LAT2: variants seen among roughly 807,000 people sequenced by gnomAD.
LAT2 encodes linker for activation of T cells family member 2, also known as linker for activation of T-cells family member 2.
In LAT2, 23 loss-of-function variants were observed where a neutral mutation model predicts 43.4. The observed-to-expected ratio is 0.53, with a 90% confidence interval of 0.38 to 0.75. The LOEUF (loss-of-function observed/expected upper bound fraction) is 0.75. Ranked by LOEUF, LAT2 falls within the 30% of genes least tolerant of loss-of-function variation. LAT2 has a pLI of 0.00. For missense variants in LAT2, 284 were observed against 310.2 expected (o/e 0.92, Z 0.64); for synonymous variants, 128 against 123.2 (o/e 1.04, Z -0.26).
intron 1 of LAT2, among the ~76,000 whole-genome samples, chr7:74,213,640 G>C (rs570358579): frequency 6.6e-6 from 1 of 151,846 alleles, no homozygotes; most frequent in African/African-American, 2.4e-5. Flanking sequence ...GGTCAGGCTA[G>C]TCTCGAACTC....
At chr7:74,223,924 G>C in intron 11 of LAT2, 94 bp from the exon 12 acceptor site, 2 of 1,494,888 alleles carry the variant, frequency 1.3e-6, no homozygotes, top group Non-Finnish European at 1.8e-6. Flanking sequence ...CCTTTCGGTA[G>C]AGCCTTGCCC....
At chr7:74,227,187 G>A (rs965247015) in intron 13 of LAT2, among the ~76,000 whole-genome samples, 26 of 150,150 alleles carry the variant, frequency 1.7e-4, no homozygotes, top group Non-Finnish European at 3.0e-4. Context: ...GATTACAGGT[G>A]TCTGCCACCA....
At chr7:74,221,803 G>A (rs1472918130) in intron 10 of LAT2, 111 bp downstream of exon 10, 4 of 910,306 alleles carry the variant, frequency 4.4e-6, no homozygotes, top group South Asian at 3.2e-5. Flanking sequence ...TAAATCGGCA[G>A]AGCCGGTTGG....
chr7:74,214,712 TATATATAAAA>T (rs1186119341), intron 1 of LAT2, 100 bp from the exon 2 acceptor site: 1 of 97,046 alleles, frequency 1.0e-5, no homozygotes, highest in Non-Finnish European at 1.8e-5. Context: ...TATATATAAA[TATATATAAAA>T]ATATAAATAT....
chr7:74,216,974 C>A, intron 4 of LAT2, 110 bp downstream of exon 4: 1 of 921,080 alleles, frequency 1.1e-6, no homozygotes, highest in South Asian at 1.4e-5. Flanking sequence ...ACACCTCCTC[C>A]GTGCCAAGTT....
chr7:74,213,613 TG>T (rs1801814380), intron 1 of LAT2, among the ~76,000 whole-genome samples: 1 of 151,448 alleles, frequency 6.6e-6, no homozygotes, highest in Admixed American at 6.6e-5. Flanking sequence ...TTAGTAGAGA[TG>T]GGGTTTCACC....
chr7:74,224,325 C>A (rs1310147341), intron 12 of LAT2, 128 bp downstream of exon 12: 2 of 1,036,500 alleles, frequency 1.9e-6, no homozygotes, highest in Admixed American at 3.9e-5. Flanking sequence ...TGCCTGGGTG[C>A]AGGAGCAGCT....
At chr7:74,222,230 CAAAAAAA>C (rs113312443) in intron 10 of LAT2, among the ~76,000 whole-genome samples, 40 of 65,608 alleles carry the variant, frequency 6.1e-4, no homozygotes, top group South Asian at 1.5e-3. Flanking sequence ...TACAAAAATA[CAAAAAAA>C]AAAAAAAAAA....
At chr7:74,214,377 A>C (rs191921906) in intron 1 of LAT2, among the ~76,000 whole-genome samples, 1,632 of 43,304 alleles carry the variant, frequency 0.038, 96 homozygotes, top group African/African-American at 0.04. Context: ...TATATATGAA[A>C]ATATATATAT....
intron 12 of LAT2, among the ~76,000 whole-genome samples, 161 bp from the exon 13 acceptor site, chr7:74,224,478 G>A (rs1488295642): frequency 4.6e-5 from 7 of 152,178 alleles, no homozygotes; most frequent in South Asian, 2.1e-4. Flanking sequence ...GACGATCTCC[G>A]GCAAATCCCA....
chr7:74,224,784 C>T lies in LAT2; in HGVS notation c.*18+24C>T, dbSNP rs782586075. The T allele has an allele frequency of 7.5e-6, 11 of 1,475,324 alleles. No homozygotes were observed. The South Asian group carries it at 1.3e-4, about 18-fold the overall frequency. The allele number at this position is 1,475,324 out of a possible 1,614,324, so 91.4% of individuals were successfully genotyped here. A position where few individuals can be genotyped will look rare whatever the true frequency, so the allele number is the denominator to read the frequency against. ...AGGTACAGCCCCTGCTCTCCAGCTG[C>T]CGTGGGCCAAGGATTGGAGGTCTTG... On this transcript the variant is annotated intron_variant, in intron 13 of 13. Coordinates refer to ENST00000460943, the MANE Select transcript of LAT2 (RefSeq NM_032464.3).
Position 74,220,669 on chromosome 7 carries a change from A to G in LAT2, c.302-35A>G. 1 of 1,613,646 alleles carries G rather than the reference A, an allele frequency of 6.2e-7. No homozygotes were observed. The highest frequency in any genetic ancestry group is 8.5e-7 in the Non-Finnish European group (1 of 1,179,720). On this transcript the variant is annotated intron_variant, in intron 8 of 13. Coordinates refer to ENST00000460943, the MANE Select transcript of LAT2 (RefSeq NM_032464.3). The surrounding 1 kb of genome is among the most constrained non-coding windows in gnomAD (Gnocchi z 4.5). ...GGAGGCCATGGTGGGGGCCACACCC[A>G]GGGGCTCAGGCCCAATTCTCGCCTC...
chr7:74,225,240 A>G (rs1554715940), intron 13 of LAT2: 1 of 155,084 alleles, frequency 6.4e-6, no homozygotes. Context: ...TAAAAACACA[A>G]AAAATTAGCC....
At position 74,222,661 on chromosome 7, in the gene LAT2, C is replaced by CAGTGA. The variant is rs1802332722; in HGVS notation, c.388+969_388+970insAGTGA. Among the ~76,000 whole-genome samples, 6 of 152,062 alleles carry CAGTGA rather than the reference C, an allele frequency of 3.9e-5. No homozygotes were observed. The South Asian group carries it at 1.2e-3, about 32-fold the overall frequency. ...CGATCTTGGTTCACTGCAACCTCCG[C>CAGTGA]CTCCCGGGTTCAAGCGATTTTCCTG... On this transcript the variant is annotated intron_variant, in intron 10 of 13. Coordinates refer to ENST00000460943, the MANE Select transcript of LAT2 (RefSeq NM_032464.3).
At position 74,220,403 on chromosome 7, in the gene LAT2, G is replaced by T. The variant is rs1554715010; in HGVS notation, c.265+149G>T. 8 of 1,237,828 alleles carry T rather than the reference G, an allele frequency of 6.5e-6. No homozygotes were observed. The highest frequency in any genetic ancestry group is 1.5e-5 in the African/African-American group (1 of 67,564). The allele number at this position is 1,237,828 out of a possible 1,614,324, so 76.7% of individuals were successfully genotyped here. On this transcript the variant is annotated intron_variant, in intron 7 of 13. Coordinates refer to ENST00000460943, the MANE Select transcript of LAT2 (RefSeq NM_032464.3). The surrounding 1 kb of genome is among the most constrained non-coding windows in gnomAD (Gnocchi z 4.5). ...AGACACACAGGCTGGGGCAGGGCAG[G>T]CTCCTGGAATCGGCCTGGCAGGGGG...
Position 74,219,755 on chromosome 7 carries a change from A to C in LAT2, c.146A>C (p.Gln49Pro). ...IYQQRSLREDQQSFTGSRTYS... is the reference protein window; with the variant it reads ...IYQQRSLREDPQSFTGSRTYS... Reference sequence around the variant, plus strand: ...CCATGCATTTCCAGGCGTGAGGACCAACAGAGCTTTACGGGGTCCCGGACC... The same window carrying C: ...CCATGCATTTCCAGGCGTGAGGACCCACAGAGCTTTACGGGGTCCCGGACC... The change falls in exon 5 of 14, where the codon CAA becomes CCA. Residue 49 changes from glutamine to proline, a missense_variant. Gln to Pro is a moderately conservative substitution (Grantham distance 76, BLOSUM62 -1). Coordinates refer to ENST00000460943, the MANE Select transcript of LAT2 (RefSeq NM_032464.3). 2 of 1,614,154 alleles carry C rather than the reference A, an allele frequency of 1.2e-6. No homozygotes were observed. Among genetic ancestry groups the C allele is most frequent in the Non-Finnish European group, 1.7e-6 (2 of 1,180,020 alleles).
At chr7:74,215,895 G>C (rs1554714173) in intron 2 of LAT2, 52 bp from the exon 3 acceptor site, 1 of 1,242,040 alleles carries the variant, frequency 8.1e-7, no homozygotes, top group Non-Finnish European at 1.2e-6. Context: ...GGGGGTGTGG[G>C]GTAGGATTCC....
intron 4 of LAT2, among the ~76,000 whole-genome samples, chr7:74,217,358 G>A (rs578206907): frequency 2.0e-5 from 3 of 152,158 alleles, no homozygotes; most frequent in East Asian, 3.9e-4. Context: ...TTGAACCCAG[G>A]AGGTGGAGGT....
At chr7:74,211,714 C>G (rs1007809103) in intron 1 of LAT2, among the ~76,000 whole-genome samples, 1 of 152,136 alleles carries the variant, frequency 6.6e-6, no homozygotes, top group Non-Finnish European at 1.5e-5. Context: ...GCCTCGGCCT[C>G]CCAAAGTGCT....
Sources: gnomAD v4.1 joint callset for allele counts (sites outside exome capture counted in the v4.1 genomes callset) on GRCh38, gnomAD v4.1.1 for gene constraint, Gnocchi (gnomAD v3.1) non-coding constraint, MANE v1.5 for transcripts, NCBI Gene and HGNC (gene_info 2026-07-23, HGNC 2026-07-21) for gene names.